USP15: variants seen among roughly 807,000 people sequenced by gnomAD.
USP15 encodes the protein ubiquitin carboxyl-terminal hydrolase 15.
A neutral mutation model predicts 127.1 loss-of-function variants in USP15; 18 were observed. The observed-to-expected ratio is 0.14, with a 90% CI of 0.10 to 0.21. The LOEUF (loss-of-function observed/expected upper bound fraction) is 0.21. Ranked by LOEUF, USP15 falls within the 10% of genes least tolerant of loss-of-function variation. USP15 has a pLI of 1.00. For missense variants in USP15, 805 were observed against 1,159.9 expected (o/e 0.69, Z 4.44); for synonymous variants, 364 against 393.7 (o/e 0.92, Z 0.89).
At chr12:62,295,958 C>T (rs968004783) in intron 2 of USP15, among the ~76,000 whole-genome samples, 2 of 152,110 alleles carry the variant, frequency 1.3e-5, no homozygotes, top group African/African-American at 2.4e-5. Flanking sequence ...TCCTGGTGAA[C>T]GTAATCTAAT....
rs1371551263 is a variant in USP15, at chr12:62,409,112, C to CA, written c.*4738dup. ...GAATTTTTAAATGGATAATATAAAACAGACAGTTCAAAAATTATTTTTGGA... is the reference window on the plus strand; with the variant it reads ...GAATTTTTAAATGGATAATATAAAACAAGACAGTTCAAAAATTATTTTTGGA... On this transcript the variant is annotated 3_prime_UTR_variant, in exon 22 of 22. Coordinates refer to ENST00000280377, the MANE Select transcript of USP15 (RefSeq NM_001252078.2). 4 of 152,002 alleles carry CA rather than the reference C, an allele frequency of 2.6e-5. No individual in the cohort carries two copies. The highest frequency in any genetic ancestry group is 4.4e-5 in the Non-Finnish European group (3 of 67,976). The allele number at this position is 152,002 out of a possible 1,614,324, so 9.4% of individuals were successfully genotyped here.
At chr12:62,398,208 G>A (rs1223292092) in intron 20 of USP15, among the ~76,000 whole-genome samples, 1 of 151,882 alleles carries the variant, frequency 6.6e-6, no homozygotes, top group African/African-American at 2.4e-5. Context: ...GCCCAGGCTG[G>A]TCTTGAACTC....
At position 62,391,904 on chromosome 12, in the gene USP15, CACTT is replaced by C. The variant is rs778946790; in HGVS notation, c.2304+20_2304+23del. ...CTGCTGAGGTAAGTCATCACTCACT[CACTT>C]ATTTACCTTTCCTTGATTTACTTTA... On this transcript the variant is annotated intron_variant, in intron 17 of 21. Transcript: ENST00000280377. 2.5e-6 allele frequency: 4 copies of C among 1,591,312 alleles called. No homozygotes were observed. Among genetic ancestry groups the C allele is most frequent in the Middle Eastern group, 1.7e-4 (1 of 5,990 alleles).
At position 62,408,067 on chromosome 12, in the gene USP15, G is replaced by A. The variant is rs1251487368; in HGVS notation, c.*3692G>A. ...CCAAAATAGATACAACATAAAGGTG[G>A]TGGGGTTTTTTATGAACTAATTTGA... On this transcript the variant is annotated 3_prime_UTR_variant, in exon 22 of 22. Coordinates refer to ENST00000280377, the MANE Select transcript of USP15 (RefSeq NM_001252078.2). 6.6e-6 allele frequency: 1 copy of A among 152,078 alleles called. No individual in the cohort carries two copies. Among genetic ancestry groups the A allele is most frequent in the East Asian group, 1.9e-4 (1 of 5,190 alleles). 9.4% of individuals were successfully genotyped at this position (152,078 alleles called of 1,614,324 possible).
intron 6 of USP15, chr12:62,336,325 C>G (rs2065463763): frequency 1.0e-6 from 1 of 985,294 alleles, no homozygotes; most frequent in Admixed American, 6.2e-5. Context: ...TTTTACCCCT[C>G]CTTCTCCCAT....
chr12:62,266,216 A>C (rs777461254), intron 1 of USP15, among the ~76,000 whole-genome samples: 6 of 152,190 alleles, frequency 3.9e-5, no homozygotes, highest in African/African-American at 1.4e-4. Flanking sequence ...GCCCCTTCAC[A>C]TATAGTTTTA....
rs111566381 is a variant in USP15, at chr12:62,383,055, A to G, written c.1090-785A>G. On this transcript the variant is annotated intron_variant, in intron 9 of 21. Transcript: ENST00000280377. Reference sequence around the variant, plus strand: ...TATTAAAGATTACATGTGTTGATCTATTTTGTCCCAGATAAGCTTTGTTGA... The same window carrying G: ...TATTAAAGATTACATGTGTTGATCTGTTTTGTCCCAGATAAGCTTTGTTGA... Among the ~76,000 whole-genome samples, 313 of 151,978 alleles carry G rather than the reference A, an allele frequency of 2.1e-3. 2 individuals are homozygous for G. The highest frequency in any genetic ancestry group is 6.9e-3 in the African/African-American group (287 of 41,516).
intron 1 of USP15, among the ~76,000 whole-genome samples, chr12:62,280,214 G>A (rs2063609352): frequency 6.6e-6 from 1 of 152,126 alleles, no homozygotes; most frequent in Non-Finnish European, 1.5e-5. Flanking sequence ...GCTTAATAAA[G>A]AGGCTTAGTA....
intron 6 of USP15, among the ~76,000 whole-genome samples, chr12:62,348,061 T>G (rs2065870111): frequency 6.6e-6 from 1 of 152,088 alleles, no homozygotes; most frequent in African/African-American, 2.4e-5. Flanking sequence ...GTTTTTAAAT[T>G]AGCTGGGCAC....
intron 3 of USP15, among the ~76,000 whole-genome samples, chr12:62,307,701 C>A (rs954582410): frequency 6.6e-6 from 1 of 152,176 alleles, no homozygotes; most frequent in Middle Eastern, 3.4e-3. Context: ...TGATGCCATC[C>A]CACTCCATGT....
At chr12:62,339,202 G>GT (rs1194130582) in intron 6 of USP15, among the ~76,000 whole-genome samples, 2 of 151,904 alleles carry the variant, frequency 1.3e-5, no homozygotes, top group Non-Finnish European at 2.9e-5. Flanking sequence ...GTCTATTTTC[G>GT]GTGTATAGGA....
At position 62,406,305 on chromosome 12, in the gene USP15, A is replaced by G. The variant is rs1592751242; in HGVS notation, c.*1930A>G. Reference sequence around the variant, plus strand: ...TTTTTGTCCACTTTAATATTTATTCATTAAACATATGTTTGTGTACCAATC... The same window carrying G: ...TTTTTGTCCACTTTAATATTTATTCGTTAAACATATGTTTGTGTACCAATC... On this transcript the variant is annotated 3_prime_UTR_variant, in exon 22 of 22. Coordinates refer to ENST00000280377, the MANE Select transcript of USP15 (RefSeq NM_001252078.2). The G allele has an allele frequency of 1.3e-5, 2 of 152,176 alleles. No homozygotes were observed. The allele number at this position is 152,176 out of a possible 1,614,324, so 9.4% of individuals were successfully genotyped here.
intron 1 of USP15, among the ~76,000 whole-genome samples, chr12:62,276,504 A>T (rs1042194978): frequency 6.6e-6 from 1 of 152,066 alleles, no homozygotes; most frequent in Non-Finnish European, 1.5e-5. Context: ...ATCTTCCAAG[A>T]TATAAAGGGT....
chr12:62,310,366 C>G (rs945615037), intron 3 of USP15, among the ~76,000 whole-genome samples: 2 of 151,692 alleles, frequency 1.3e-5, no homozygotes, highest in Non-Finnish European at 1.5e-5. Context: ...AGCCAGTTCC[C>G]TTCATCCTTC....
intron 6 of USP15, among the ~76,000 whole-genome samples, chr12:62,329,410 G>T (rs2065219896): frequency 6.6e-6 from 1 of 152,026 alleles, no homozygotes; most frequent in African/African-American, 2.4e-5. Context: ...TAGAAATTTT[G>T]GAGAATAACT....
chr12:62,415,312 C>T lies in USP15; in HGVS notation c.*10937C>T, dbSNP rs2068130778. 1 of 152,184 alleles carries T rather than the reference C, an allele frequency of 6.6e-6. No individual in the cohort carries two copies. Among genetic ancestry groups the T allele is most frequent in the African/African-American group, 2.4e-5 (1 of 41,448 alleles). The allele number at this position is 152,184 out of a possible 1,614,324, so 9.4% of individuals were successfully genotyped here. ...TTGAGCCTTTTTTGTTCTATTCAGG[C>T]CTTCAATTCATGAGAGCCACCAACA... On this transcript the variant is annotated 3_prime_UTR_variant, in exon 22 of 22. Transcript: ENST00000280377.
In USP15 at chr12:62,406,495, C is replaced by G. The variant is rs976621791; in HGVS notation, c.*2120C>G. On this transcript the variant is annotated 3_prime_UTR_variant, in exon 22 of 22. Transcript: ENST00000280377. ...TTAAACCTATATTGTGGTCTCCATC[C>G]TAATTCTTCAGAGACCACTTTCTTT... is the stretch of plus-strand genomic sequence containing the variant. 6 of 152,148 alleles carry G rather than the reference C, an allele frequency of 3.9e-5. No homozygotes were observed. The highest frequency in any genetic ancestry group is 9.7e-5 in the African/African-American group (4 of 41,436). 9.4% of individuals were successfully genotyped at this position (152,148 alleles called of 1,614,324 possible).
intron 1 of USP15, among the ~76,000 whole-genome samples, chr12:62,286,574 C>T (rs1370798079): frequency 6.6e-6 from 1 of 152,128 alleles, no homozygotes; most frequent in Admixed American, 6.5e-5. Flanking sequence ...ATGTTTATCA[C>T]AGTACTGTTC....
At chr12:62,352,634 A>G (rs1416860316) in intron 7 of USP15, among the ~76,000 whole-genome samples, 2 of 152,020 alleles carry the variant, frequency 1.3e-5, no homozygotes, top group African/African-American at 4.8e-5. Flanking sequence ...CTCAACAGGA[A>G]CTGTGAATTT....
Sources: allele counts gnomAD v4.1 joint callset (sites outside exome capture counted in the v4.1 genomes callset), GRCh38; gene constraint gnomAD v4.1.1; transcripts MANE v1.5; gene names NCBI Gene and HGNC (gene_info 2026-07-23, HGNC 2026-07-21).